Variants in CSMD2 observed in about 807,000 individuals in gnomAD.
CSMD2 encodes CUB and sushi domain-containing protein 2.
Under a neutral mutation model 398.5 loss-of-function variants are expected in CSMD2, and 130 were observed. That is an observed-to-expected ratio of 0.33 (90% confidence interval 0.28 to 0.38). The LOEUF (loss-of-function observed/expected upper bound fraction) is 0.38. CSMD2 is among the 10% of genes least tolerant of loss of function. The pLI is 1.00. For synonymous variants in CSMD2, 1,828 were observed against 1,908.5 expected (o/e 0.96, Z 1.10); for missense variants, 3,829 against 4,764.9 (o/e 0.80, Z 5.78).
At chr1:33,996,347 G>C (rs1035609692) in intron 3 of CSMD2, among the ~76,000 whole-genome samples, 6 of 152,198 alleles carry the variant, frequency 3.9e-5, no homozygotes, top group Non-Finnish European at 7.3e-5. Flanking sequence ...GTCAAGCTTT[G>C]AATCCCTCCG....
intron 5 of CSMD2, among the ~76,000 whole-genome samples, chr1:33,890,108 CA>C (rs776913782): frequency 6.6e-6 from 1 of 151,618 alleles, no homozygotes. Flanking sequence ...CAGTTTTTCT[CA>C]ATTTTCTAAA....
chr1:33,885,457 GATTTA>G (rs1641528652), intron 5 of CSMD2: 1 of 152,146 alleles, frequency 6.6e-6, no homozygotes, highest in African/African-American at 2.4e-5. Context: ...AATTCAATCC[GATTTA>G]ATTCAGTGCA....
chr1:33,559,399 C>A lies in CSMD2; in HGVS notation c.8455G>T (p.Val2819Phe). 2 of 1,536,152 alleles carry A rather than the reference C, an allele frequency of 1.3e-6. No individual in the cohort carries two copies. Among genetic ancestry groups the A allele is most frequent in the Non-Finnish European group, 8.7e-7 (1 of 1,146,898 alleles). Residue 2819 changes from valine (V) to phenylalanine (F), a missense_variant, in exon 54 of 71, where the codon GTC becomes TTC. Coordinates refer to ENST00000373381, the MANE Select transcript of CSMD2 (RefSeq NM_001281956.2). The surrounding 1 kb of genome is among the most constrained non-coding windows in gnomAD (Gnocchi z 4.0). Reference protein sequence around the residue: ...QGNQFNLNDVVKFVCNPGYMA... With the variant: ...QGNQFNLNDVFKFVCNPGYMA... ...TACCCAGGGTTGCAAACAAACTTGA[C>A]CACATCGTTGAGGTTAAACTGGTTA... is the stretch of plus-strand genomic sequence containing the variant.
intron 13 of CSMD2, among the ~76,000 whole-genome samples, chr1:33,751,517 G>A (rs1279958837): frequency 6.6e-6 from 1 of 152,156 alleles, no homozygotes; most frequent in Non-Finnish European, 1.5e-5. Context: ...ACTGGGAGGT[G>A]AGAAATGAAC....
At chr1:34,052,486 A>C in intron 2 of CSMD2, among the ~76,000 whole-genome samples, 1 of 132,242 alleles carries the variant, frequency 7.6e-6, no homozygotes, top group African/African-American at 3.2e-5. Context: ...TCAATCCCCT[A>C]TGGGACAACT....
chr1:33,719,082 A>G (rs1225512938), intron 19 of CSMD2, among the ~76,000 whole-genome samples: 1 of 94,754 alleles, frequency 1.1e-5, no homozygotes, highest in Non-Finnish European at 2.0e-5. Context: ...TGGAGGAAGA[A>G]TGGGAACTAT....
chr1:34,018,520 T>A (rs1648447492), intron 3 of CSMD2, among the ~76,000 whole-genome samples: 1 of 152,226 alleles, frequency 6.6e-6, no homozygotes, highest in Non-Finnish European at 1.5e-5. Context: ...CATGTGCGAG[T>A]GTGTCTGTGT....
rs999583352 is a variant in CSMD2 at position 34,090,446 on chromosome 1, G to A, written c.188-1253C>T. Among the ~76,000 whole-genome samples, 44 of 152,180 alleles carry A rather than the reference G, an allele frequency of 2.9e-4. 1 individual carries two copies. Among genetic ancestry groups the A allele is most frequent in the African/African-American group, 9.4e-4 (39 of 41,522 alleles). On this transcript the variant is annotated intron_variant, in intron 1 of 70. Coordinates refer to ENST00000373381, the MANE Select transcript of CSMD2 (RefSeq NM_001281956.2). Reference sequence around the variant, plus strand: ...CACTTGTGCATTGGTTACTCACAACGTCATGATCCAGGCCAGCCATCCCTC... The same window carrying A: ...CACTTGTGCATTGGTTACTCACAACATCATGATCCAGGCCAGCCATCCCTC...
At chr1:34,154,507 G>T (rs1640620985) in intron 1 of CSMD2, among the ~76,000 whole-genome samples, 1 of 152,136 alleles carries the variant, frequency 6.6e-6, no homozygotes, top group Non-Finnish European at 1.5e-5. Context: ...ATCCTCAGGG[G>T]AACAGATACG....
In CSMD2 at chr1:33,646,437, T is replaced by G. The variant is rs553775203; in HGVS notation, c.4774+211A>C. ...AGGTGCAAAAAGAATGCTGGTTCCC[T>G]TTTTTCCCACCCCTGGAGAATATAG... On this transcript the variant is annotated intron_variant, in intron 29 of 70. Coordinates refer to ENST00000373381, the MANE Select transcript of CSMD2 (RefSeq NM_001281956.2). 2.0e-5 allele frequency among the ~76,000 whole-genome samples: 3 copies of G among 152,274 alleles called. No individual in the cohort carries two copies. The South Asian group carries it at 6.2e-4, about 32-fold the overall frequency.
intron 3 of CSMD2, among the ~76,000 whole-genome samples, chr1:34,016,961 A>G (rs1426029546): frequency 1.3e-5 from 2 of 152,188 alleles, no homozygotes; most frequent in East Asian, 3.8e-4. Context: ...AATTAGAATG[A>G]GTATTACAAC....
chr1:33,819,229 C>G (rs1657820124), intron 9 of CSMD2, among the ~76,000 whole-genome samples: 1 of 152,102 alleles, frequency 6.6e-6, no homozygotes, highest in Non-Finnish European at 1.5e-5. Flanking sequence ...AACAAAACAC[C>G]CAGATAGGGG....
At chr1:33,793,564 A>G (rs1654585274) in intron 10 of CSMD2, among the ~76,000 whole-genome samples, 1 of 152,228 alleles carries the variant, frequency 6.6e-6, no homozygotes, top group African/African-American at 2.4e-5. Context: ...AAAAGGTCTC[A>G]TACCTCTACC....
chr1:33,540,340 A>G (rs1004859754), intron 60 of CSMD2, among the ~76,000 whole-genome samples, 185 bp downstream of exon 60: 3 of 151,914 alleles, frequency 2.0e-5, no homozygotes, highest in Non-Finnish European at 2.9e-5. Flanking sequence ...CCAGGGCTCA[A>G]TTAAGGGATC....
chr1:33,780,909 T>G (rs1274850478), intron 12 of CSMD2, among the ~76,000 whole-genome samples: 1 of 152,168 alleles, frequency 6.6e-6, no homozygotes, highest in East Asian at 1.9e-4. Context: ...GAAATAGAGG[T>G]GTACTGAAAA....
intron 15 of CSMD2, among the ~76,000 whole-genome samples, chr1:33,738,445 C>A (rs1481303713): frequency 6.6e-6 from 1 of 152,146 alleles, no homozygotes; most frequent in Non-Finnish European, 1.5e-5. Context: ...ATGCTTGGTA[C>A]ACAAATTTAA....
chr1:33,898,318 T>G (rs577003469), intron 5 of CSMD2, among the ~76,000 whole-genome samples: 2 of 152,288 alleles, frequency 1.3e-5, no homozygotes, highest in South Asian at 4.1e-4. Flanking sequence ...TATTTTCACA[T>G]CCTGATGAAG....
intron 3 of CSMD2, among the ~76,000 whole-genome samples, chr1:33,960,722 C>G (rs1392257155): frequency 6.6e-6 from 1 of 152,214 alleles, no homozygotes. Context: ...CAGACGCCTC[C>G]TCTCCCAGCT....
At chr1:33,667,005 G>A (rs1461811214) in intron 25 of CSMD2, among the ~76,000 whole-genome samples, 1 of 152,192 alleles carries the variant, frequency 6.6e-6, no homozygotes, top group East Asian at 1.9e-4. Context: ...TGGAGGCAGA[G>A]AGGAGGTGAA....
Sources: allele counts gnomAD v4.1 joint callset (sites outside exome capture counted in the v4.1 genomes callset), GRCh38; gene constraint gnomAD v4.1.1; non-coding constraint Gnocchi (gnomAD v3.1); transcripts MANE v1.5; gene names NCBI Gene and HGNC (gene_info 2026-07-23, HGNC 2026-07-21).